Variants in KCTD1 observed in about 807,000 individuals in gnomAD.
KCTD1 encodes potassium channel tetramerization domain containing 1.
Under a neutral mutation model 66.0 loss-of-function variants are expected in KCTD1, and 24 were observed. That is an observed-to-expected ratio of 0.36 (90% CI 0.26 to 0.51). KCTD1 has a LOEUF of 0.51. KCTD1 is among the 20% of genes least tolerant of loss of function. The pLI is 0.95. For synonymous variants in KCTD1, 511 were observed against 517.2 expected, an observed-to-expected ratio of 0.99 and a Z score of 0.16; for missense variants, 943 against 1,205.2, an observed-to-expected ratio of 0.78 and a Z score of 3.22.
At chr18:26,504,822 T>C (rs566202899) in intron 1 of KCTD1, among the ~76,000 whole-genome samples, 1 of 152,366 alleles carries the variant, frequency 6.6e-6, no homozygotes, top group South Asian at 2.1e-4. Context: ...TGGCAACCTC[T>C]TCCTTGGCCA....
upstream of KCTD1, among the ~76,000 whole-genome samples, chr18:26,634,175 C>T (rs1568016011): frequency 6.6e-6 from 1 of 151,806 alleles, no homozygotes; most frequent in East Asian, 1.9e-4. Context: ...TTCAGGGTGG[C>T]AAAAAAGTGG....
intron 1 of KCTD1, among the ~76,000 whole-genome samples, chr18:26,561,556 T>C (rs562864930): frequency 6.6e-6 from 1 of 152,278 alleles, no homozygotes; most frequent in African/African-American, 2.4e-5. Flanking sequence ...ATGGTCTTCT[T>C]ACCACGCCCA....
At chr18:26,554,146 G>A (rs572114822) in intron 1 of KCTD1, among the ~76,000 whole-genome samples, 1 of 146,536 alleles carries the variant, frequency 6.8e-6, no homozygotes, top group African/African-American at 2.5e-5. Context: ...AATAATCAAG[G>A]GAACAATTCA....
At chr18:26,474,652 T>G (rs941736227) in intron 3 of KCTD1, among the ~76,000 whole-genome samples, 10 of 152,228 alleles carry the variant, frequency 6.6e-5, no homozygotes, top group South Asian at 2.1e-4. Flanking sequence ...GTTGTTTGTA[T>G]GTTTCTCATA....
At chr18:26,549,156 G>A, upstream of KCTD1, 12 of 985,112 alleles carry the variant, frequency 1.2e-5, no homozygotes, top group South Asian at 5.1e-4. Flanking sequence ...GCGAGGCCCC[G>A]CACCCTCTCG....
At chr18:26,615,910 C>T (rs1987239750) in intron 1 of KCTD1, among the ~76,000 whole-genome samples, 1 of 152,152 alleles carries the variant, frequency 6.6e-6, no homozygotes, top group South Asian at 2.1e-4. Context: ...CCTGCCTCAG[C>T]CTCCCAAGTA....
In KCTD1 at chr18:26,639,617, A is replaced by G. The variant is rs566830796; in HGVS notation, c.-107+694T>C. ...TAAACATTATCAATAACATTATTGT[A>G]TTCTTATTATCTCTCTCCCCCATCC... On this transcript the variant is annotated intron_variant, in intron 1 of 5. Transcript: ENST00000579973. 8.6e-4 allele frequency among the ~76,000 whole-genome samples: 131 copies of G among 152,304 alleles called. 1 individual carries two copies. The highest frequency in any genetic ancestry group is 3.0e-3 in the African/African-American group (126 of 41,580).
intron 1 of KCTD1, among the ~76,000 whole-genome samples, chr18:26,616,420 A>T (rs559039978): frequency 1.3e-5 from 2 of 151,670 alleles, no homozygotes; most frequent in Admixed American, 1.3e-4. Flanking sequence ...AACTCCCTCG[A>T]GGCCCATCTA....
intron 1 of KCTD1, among the ~76,000 whole-genome samples, chr18:26,562,344 A>G (rs1017089153): frequency 1.4e-5 from 2 of 146,908 alleles, no homozygotes; most frequent in Admixed American, 7.1e-5. Context: ...TGACTTTCCT[A>G]CCTCAGTCTC....
chr18:26,547,042 G>C lies in KCTD1; in HGVS notation c.1495C>G (p.Pro499Ala). The change falls in exon 1 of 5, where the codon CCC becomes GCC. Residue 499 changes from proline (P) to alanine (A), a missense_variant. Transcript: ENST00000580059. ...RHHSHHPPTH[P>A]SHHHRPQPPS... ...GGCTGGGGGCGGTGGTGGTGGGAGG[G>C]ATGGGTGGGGGGGTGGTGGGAGTGG... 2 of 1,450,740 alleles carry C rather than the reference G, an allele frequency of 1.4e-6. No individual in the cohort carries two copies. The highest frequency in any genetic ancestry group is 1.8e-6 in the Non-Finnish European group (2 of 1,085,934). 89.9% of individuals were successfully genotyped at this position (1,450,740 alleles called of 1,614,324 possible).
intron 1 of KCTD1, among the ~76,000 whole-genome samples, chr18:26,503,023 G>T (rs1567970815): frequency 6.6e-6 from 1 of 152,192 alleles, no homozygotes; most frequent in Non-Finnish European, 1.5e-5. Flanking sequence ...GCTTTCTGAA[G>T]CTCAACATCT....
At chr18:26,587,743 G>GTT in intron 1 of KCTD1, among the ~76,000 whole-genome samples, 1 of 152,310 alleles carries the variant, frequency 6.6e-6, no homozygotes, top group East Asian at 1.9e-4. Context: ...CAAGACAACA[G>GTT]TGGAGGAAGT....
chr18:26,498,885 A>C (rs1160914538), intron 2 of KCTD1, among the ~76,000 whole-genome samples: 1 of 152,164 alleles, frequency 6.6e-6, no homozygotes, highest in African/African-American at 2.4e-5. Context: ...CGCCAGAATA[A>C]TGAAAGTAGC....
chr18:26,578,922 A>C (rs1398317089), intron 1 of KCTD1, among the ~76,000 whole-genome samples: 1 of 152,220 alleles, frequency 6.6e-6, no homozygotes, highest in Non-Finnish European at 1.5e-5. Context: ...GCTCATTAGG[A>C]ATTAGAAAGC....
intron 1 of KCTD1, among the ~76,000 whole-genome samples, chr18:26,648,382 A>G (rs763540439): frequency 5.9e-5 from 9 of 152,220 alleles, no homozygotes; most frequent in Non-Finnish European, 8.8e-5. Flanking sequence ...CATAAGCCCC[A>G]TATACTCTCA....
At chr18:26,464,024 A>C (rs1980588586) in intron 3 of KCTD1, among the ~76,000 whole-genome samples, 1 of 152,242 alleles carries the variant, frequency 6.6e-6, no homozygotes, top group Admixed American at 6.5e-5. Flanking sequence ...TCTTGATTAC[A>C]TAATTGGAAT....
chr18:26,558,750 C>T (rs571368178), intron 1 of KCTD1, among the ~76,000 whole-genome samples: 12 of 151,992 alleles, frequency 7.9e-5, no homozygotes, highest in South Asian at 2.1e-4. Context: ...GGTGAAACCC[C>T]GTCTCTACTA....
chr18:26,577,621 A>T (rs1313777693), intron 1 of KCTD1, among the ~76,000 whole-genome samples: 2 of 151,958 alleles, frequency 1.3e-5, no homozygotes, highest in Non-Finnish European at 2.9e-5. Flanking sequence ...ATCGTAGCTC[A>T]CTGTAACCTT....
At chr18:26,551,383 G>C (rs1169400200), upstream of KCTD1, among the ~76,000 whole-genome samples, 1 of 152,116 alleles carries the variant, frequency 6.6e-6, no homozygotes, top group Admixed American at 6.5e-5. Context: ...TTTGGGTGCT[G>C]CTTGGACAGT....
Sources: allele counts gnomAD v4.1 joint callset (sites outside exome capture counted in the v4.1 genomes callset), GRCh38; gene constraint gnomAD v4.1.1; transcripts MANE v1.5; gene names NCBI Gene and HGNC (gene_info 2026-07-23, HGNC 2026-07-21).